Variants in RPN2 observed in about 807,000 individuals in gnomAD.
RPN2 encodes ribophorin II.
RPN2 carries 29 observed loss-of-function variants against 71.4 expected under a neutral mutation model. That is an observed-to-expected ratio of 0.41 (90% CI 0.30 to 0.55). RPN2 has a LOEUF of 0.55. RPN2 is among the 20% of genes least tolerant of loss of function. RPN2 has a pLI of 0.35. For synonymous variants in RPN2, 308 were observed against 305.0 expected (o/e 1.01, Z -0.10); for missense variants, 726 against 774.1 (o/e 0.94, Z 0.74).
In RPN2 at chr20:37,179,376, A is replaced by G; in HGVS notation, c.13+7A>G. The G allele has an allele frequency of 3.3e-6, 1 of 302,876 alleles. No homozygotes were observed. Among genetic ancestry groups the G allele is most frequent in the Non-Finnish European group, 4.3e-6 (1 of 232,020 alleles). The allele number at this position is 302,876 out of a possible 1,614,324, so 18.8% of individuals were successfully genotyped here. The stretch of plus-strand genomic sequence containing the variant: ...GGAGGAATGGCGCCGCCGGGTGAGG[A>G]GTTGCGCGTGGCTTTGGGGAGAGGG... On this transcript the variant is annotated splice_region_variant and intron_variant, in intron 1 of 16. Transcript: ENST00000237530.
chr20:37,180,968 C>T (rs1265502849), intron 1 of RPN2, among the ~76,000 whole-genome samples: 3 of 152,178 alleles, frequency 2.0e-5, no homozygotes, highest in African/African-American at 7.2e-5. Flanking sequence ...CGGTAGCTCA[C>T]GCCTGTAATC....
chr20:37,228,608 C>T lies in RPN2; in HGVS notation c.1358C>T (p.Pro453Leu), dbSNP rs779701876. The T allele has an allele frequency of 8.1e-6, 13 of 1,614,214 alleles. No homozygotes were observed. The highest frequency in any genetic ancestry group is 1.0e-5 in the Non-Finnish European group (12 of 1,180,026). The change falls in exon 12 of 17, where the codon CCA becomes CTA. Residue 453 changes from proline (P) to leucine (L), a missense_variant. Coordinates refer to ENST00000237530, the MANE Select transcript of RPN2 (RefSeq NM_002951.5). Reference protein sequence around the residue: ...TGQEVVFVAEPDNKNVYKFEL... With the variant: ...TGQEVVFVAELDNKNVYKFEL... ...CAGGAAGTGGTGTTTGTTGCCGAGC[C>T]AGACAACAAGAACGTGTACAAGTTT...
chr20:37,226,279 G>A (rs1157660665), intron 11 of RPN2, among the ~76,000 whole-genome samples: 2 of 152,134 alleles, frequency 1.3e-5, no homozygotes, highest in African/African-American at 4.8e-5. Flanking sequence ...CACCATGTTG[G>A]CCAGGCTGTT....
At chr20:37,231,618 A>G (rs577449434) in intron 13 of RPN2, among the ~76,000 whole-genome samples, 1 of 151,902 alleles carries the variant, frequency 6.6e-6, no homozygotes, top group Non-Finnish European at 1.5e-5. Flanking sequence ...AGGCTAAGGC[A>G]GGAGGATCTT....
At chr20:37,206,881 G>T (rs535633057) in intron 6 of RPN2, among the ~76,000 whole-genome samples, 1 of 152,054 alleles carries the variant, frequency 6.6e-6, no homozygotes, top group East Asian at 1.9e-4. Context: ...ACTAATTTTT[G>T]TATTTTTAGT....
At chr20:37,225,396 T>G (rs1298747020) in intron 10 of RPN2, among the ~76,000 whole-genome samples, 1 of 152,208 alleles carries the variant, frequency 6.6e-6, no homozygotes, top group African/African-American at 2.4e-5. Context: ...TGCCTGACTT[T>G]GTTGGAGTTG....
chr20:37,203,361 C>CTTTT (rs11348988), intron 4 of RPN2, among the ~76,000 whole-genome samples: 8 of 138,144 alleles, frequency 5.8e-5, no homozygotes, highest in Admixed American at 2.8e-4. Flanking sequence ...TTGCTTCAAT[C>CTTTT]TTTTTTTTTT....
Position 37,223,878 on chromosome 20 carries a change from C to G in RPN2, c.1093C>G (p.Leu365Val). 6.2e-7 allele frequency: 1 copy of G among 1,613,582 alleles called. No individual in the cohort carries two copies. Among genetic ancestry groups the G allele is most frequent in the Non-Finnish European group, 8.5e-7 (1 of 1,179,546 alleles). The change falls in exon 10 of 17, where the codon CTC becomes GTC. Residue 365 changes from leucine (L) to valine (V), a missense_variant and splice_region_variant. Coordinates refer to ENST00000237530, the MANE Select transcript of RPN2 (RefSeq NM_002951.5). ...AACTGTCTTCTCTATTTTCCTCTAG[C>G]TCAGAGTCAAGATCTCCACTGAAGT... ...DNRYIANTVE[L>V]RVKISTEVGI...
intron 2 of RPN2, among the ~76,000 whole-genome samples, chr20:37,187,101 T>C (rs943474046): frequency 1.4e-4 from 22 of 152,206 alleles, no homozygotes; most frequent in Admixed American, 3.9e-4. Flanking sequence ...CGCTTATAAA[T>C]AGTATATAGT....
chr20:37,179,572 G>A lies in RPN2; in HGVS notation c.13+203G>A, dbSNP rs958712316. 9.8e-6 allele frequency: 13 copies of A among 1,325,530 alleles called. No homozygotes were observed. The African/African-American group carries it at 1.2e-4, about 12-fold the overall frequency. The allele number at this position is 1,325,530 out of a possible 1,614,324, so 82.1% of individuals were successfully genotyped here. ...GTGCCCGCGACCTGGCGGGGTTGGT[G>A]CCTGGGGGAGGGGTGCAGCGCGGAG... On this transcript the variant is annotated intron_variant, in intron 1 of 16. Transcript: ENST00000237530.
intron 9 of RPN2, among the ~76,000 whole-genome samples, chr20:37,221,031 A>G (rs1350042399): frequency 6.6e-6 from 1 of 152,148 alleles, no homozygotes; most frequent in African/African-American, 2.4e-5. Context: ...TTGTCTGGGG[A>G]TGCTCAGGAT....
chr20:37,218,041 AG>A (rs1358925413), intron 9 of RPN2, among the ~76,000 whole-genome samples: 1 of 152,136 alleles, frequency 6.6e-6, no homozygotes, highest in African/African-American at 2.4e-5. Flanking sequence ...CCCGGCCAAG[AG>A]TTAGCTTTTA....
Position 37,207,468 on chromosome 20 carries a change from A to C in RPN2, c.867+19A>C, listed in dbSNP as rs2146597819. 2 of 1,612,508 alleles carry C rather than the reference A, an allele frequency of 1.2e-6. No homozygotes were observed. The highest frequency in any genetic ancestry group is 1.7e-4 in the Middle Eastern group (1 of 6,060). Reference sequence around the variant, plus strand: ...CTTGCGGGTAAGACATCCATGCCCAAAGTGTGCCCCTCTGATTATCATTCC... The same window carrying C: ...CTTGCGGGTAAGACATCCATGCCCACAGTGTGCCCCTCTGATTATCATTCC... On this transcript the variant is annotated intron_variant, in intron 7 of 16. Transcript: ENST00000237530.
In RPN2 at chr20:37,238,297, G is replaced by GT. The variant is rs1176132571; in HGVS notation, c.1883+1589dup. 3.5e-6 allele frequency: 3 copies of GT among 868,476 alleles called. No homozygotes were observed. The East Asian group carries it at 7.9e-5, about 23-fold the overall frequency. The allele number at this position is 868,476 out of a possible 1,614,324, so 53.8% of individuals were successfully genotyped here. A position where few individuals can be genotyped will look rare whatever the true frequency, so the allele number is the denominator to read the frequency against. On this transcript the variant is annotated intron_variant, in intron 16 of 16. Coordinates refer to ENST00000237530, the MANE Select transcript of RPN2 (RefSeq NM_002951.5). ...AATGAACTCTACCCTGGAAAAATCA[G>GT]TGACCCTAATGGAAGCTCTGGTTGG...
intron 9 of RPN2, among the ~76,000 whole-genome samples, chr20:37,219,594 G>T (rs928428390): frequency 1.3e-5 from 2 of 150,602 alleles, no homozygotes; most frequent in African/African-American, 5.0e-5. Flanking sequence ...AAAATGTTTT[G>T]TTGTTGTTGT....
intron 4 of RPN2, 133 bp from the exon 5 acceptor site, chr20:37,203,752 C>T: frequency 5.5e-6 from 4 of 730,734 alleles, no homozygotes; most frequent in Admixed American, 2.0e-5. Context: ...AAGTAAACTC[C>T]TTAAAGGCTG....
chr20:37,203,808 A>C lies in RPN2; in HGVS notation c.480-77A>C, dbSNP rs149327544. 5,026 of 990,670 alleles carry C rather than the reference A, an allele frequency of 5.1e-3. 24 individuals carry two copies. Among genetic ancestry groups the C allele is most frequent in the Non-Finnish European group, 7.1e-3 (4,372 of 615,036 alleles). The allele number at this position is 990,670 out of a possible 1,614,324, so 61.4% of individuals were successfully genotyped here. On this transcript the variant is annotated intron_variant, in intron 4 of 16. Coordinates refer to ENST00000237530, the MANE Select transcript of RPN2 (RefSeq NM_002951.5). Reference sequence around the variant, plus strand: ...AGAACAAGAGTAGGATATTTGTGAAAGTGTCCAAGTACGGGAAGGGGTGAG... The same window carrying C: ...AGAACAAGAGTAGGATATTTGTGAACGTGTCCAAGTACGGGAAGGGGTGAG...
chr20:37,222,489 C>T (rs1479923260), intron 9 of RPN2, among the ~76,000 whole-genome samples: 3 of 152,056 alleles, frequency 2.0e-5, no homozygotes, highest in African/African-American at 4.8e-5. Flanking sequence ...GGAAAGAAGG[C>T]CGTTAGAAGG....
chr20:37,184,044 C>A (rs995214124), intron 1 of RPN2, 136 bp from the exon 2 acceptor site: 38 of 1,016,830 alleles, frequency 3.7e-5, no homozygotes, highest in Non-Finnish European at 5.0e-5. Flanking sequence ...AAGGCTTCTC[C>A]TCAGGTTAAA....
Sources: gnomAD v4.1 joint callset for allele counts (sites outside exome capture counted in the v4.1 genomes callset) on GRCh38, gnomAD v4.1.1 for gene constraint, MANE v1.5 for transcripts, NCBI Gene and HGNC (gene_info 2026-07-23, HGNC 2026-07-21) for gene names.